Variants in TRPC4 observed in about 807,000 individuals in gnomAD.
The protein encoded by TRPC4 is short transient receptor potential channel 4.
Under a neutral mutation model 99.4 loss-of-function variants are expected in TRPC4, and 49 were observed. The ratio of observed to expected loss-of-function variants is 0.49; its 90% CI spans 0.39 to 0.63. The LOEUF (loss-of-function observed/expected upper bound fraction) is 0.63. TRPC4 is among the 20% of genes least tolerant of loss of function. The pLI, the probability that TRPC4 is intolerant of heterozygous loss-of-function variation, is 0.00. For missense variants in TRPC4, 898 were observed against 1,152.9 expected (o/e 0.78, Z 3.20); for synonymous variants, 454 against 425.9 (o/e 1.07, Z -0.81).
At chr13:37,671,631 A>T (rs1952846948) in intron 5 of TRPC4, among the ~76,000 whole-genome samples, 1 of 152,188 alleles carries the variant, frequency 6.6e-6, no homozygotes, top group Non-Finnish European at 1.5e-5. Flanking sequence ...AGGCACTTTA[A>T]ATACATCAAC....
At chr13:37,804,415 T>C (rs1373640596) in intron 1 of TRPC4, among the ~76,000 whole-genome samples, 4 of 152,082 alleles carry the variant, frequency 2.6e-5, no homozygotes, top group Non-Finnish European at 4.4e-5. Flanking sequence ...CTTCCTGCCC[T>C]GTTTTGATTT....
chr13:37,789,282 T>C (rs1957050729), intron 1 of TRPC4, among the ~76,000 whole-genome samples: 1 of 152,190 alleles, frequency 6.6e-6, no homozygotes, highest in Non-Finnish European at 1.5e-5. Context: ...TACTGCTCTT[T>C]ACAGTCTGAG....
chr13:37,725,120 G>A (rs970306882), intron 3 of TRPC4, among the ~76,000 whole-genome samples: 3 of 151,958 alleles, frequency 2.0e-5, no homozygotes, highest in Admixed American at 6.6e-5. Context: ...CAGTCGATTC[G>A]AAAGCAGATT....
intron 1 of TRPC4, among the ~76,000 whole-genome samples, chr13:37,820,847 C>T (rs1284809934): frequency 1.3e-5 from 2 of 152,026 alleles, no homozygotes; most frequent in Admixed American, 1.3e-4. Context: ...TGGGCAAAAG[C>T]TAGAAGCATT....
chr13:37,770,213 T>C (rs1168192470), intron 2 of TRPC4, among the ~76,000 whole-genome samples: 1 of 151,512 alleles, frequency 6.6e-6, no homozygotes, highest in East Asian at 1.9e-4. Flanking sequence ...ATTTCAGGCC[T>C]GACTCAAGGA....
At chr13:37,717,255 C>T (rs551525143) in intron 3 of TRPC4, among the ~76,000 whole-genome samples, 72 of 152,028 alleles carry the variant, frequency 4.7e-4, no homozygotes, top group South Asian at 1.7e-3. Flanking sequence ...TAATAGATGA[C>T]GATATCAGAA....
intron 1 of TRPC4, among the ~76,000 whole-genome samples, chr13:37,809,194 C>T (rs115855661): frequency 0.01 from 1,573 of 152,154 alleles, 25 homozygotes; most frequent in African/African-American, 0.036. Flanking sequence ...ATGTAGGATG[C>T]TCTTCCAATC....
chr13:37,854,605 A>C (rs1159837126), intron 1 of TRPC4, among the ~76,000 whole-genome samples: 2 of 152,106 alleles, frequency 1.3e-5, no homozygotes, highest in Admixed American at 1.3e-4. Flanking sequence ...TAAAAAGCAG[A>C]GGAATAAAGC....
chr13:37,813,357 A>T (rs1373586076), intron 1 of TRPC4, among the ~76,000 whole-genome samples: 1 of 151,668 alleles, frequency 6.6e-6, no homozygotes, highest in Non-Finnish European at 1.5e-5. Flanking sequence ...TAAAAATATT[A>T]AATCAAAGCA....
chr13:37,732,439 T>A (rs981673355), intron 3 of TRPC4, among the ~76,000 whole-genome samples: 7 of 152,010 alleles, frequency 4.6e-5, no homozygotes, highest in Non-Finnish European at 1.0e-4. Context: ...CCCCTCCTAT[T>A]CAACACAGTA....
At chr13:37,789,063 A>G (rs948384621) in intron 1 of TRPC4, among the ~76,000 whole-genome samples, 2 of 152,116 alleles carry the variant, frequency 1.3e-5, no homozygotes, top group East Asian at 3.9e-4. Context: ...CCAGTGCCAC[A>G]TACCTAATCT....
intron 1 of TRPC4, among the ~76,000 whole-genome samples, chr13:37,799,624 A>G (rs568995737): frequency 2.0e-5 from 3 of 152,206 alleles, no homozygotes; most frequent in African/African-American, 7.2e-5. Flanking sequence ...TAAATGGACC[A>G]TGGTGTTTGT....
At chr13:37,700,261 C>A (rs750190246) in intron 3 of TRPC4, among the ~76,000 whole-genome samples, 11 of 152,132 alleles carry the variant, frequency 7.2e-5, no homozygotes, top group Admixed American at 1.3e-4. Flanking sequence ...GAAGAAAGCA[C>A]CATTTGACTT....
chr13:37,860,210 C>A (rs980294146), intron 1 of TRPC4, among the ~76,000 whole-genome samples: 1 of 151,330 alleles, frequency 6.6e-6, no homozygotes, highest in Non-Finnish European at 1.5e-5. Flanking sequence ...TGATTAACAA[C>A]ATCAGTAATA....
intron 6 of TRPC4, among the ~76,000 whole-genome samples, chr13:37,658,650 C>G (rs533471365): frequency 6.6e-6 from 1 of 152,170 alleles, no homozygotes; most frequent in Non-Finnish European, 1.5e-5. Context: ...TGTCACAAAG[C>G]CTGTGCCCCT....
intron 2 of TRPC4, among the ~76,000 whole-genome samples, chr13:37,752,396 G>C (rs985319133): frequency 6.6e-6 from 1 of 151,932 alleles, no homozygotes; most frequent in Non-Finnish European, 1.5e-5. Flanking sequence ...CTGCACACAG[G>C]TGACTGCCAT....
intron 1 of TRPC4, among the ~76,000 whole-genome samples, chr13:37,863,580 A>G (rs1406595639): frequency 6.6e-6 from 1 of 151,596 alleles, no homozygotes; most frequent in Non-Finnish European, 1.5e-5. Flanking sequence ...TTAAAGTGTG[A>G]CCTCAGTGTG....
intron 5 of TRPC4, among the ~76,000 whole-genome samples, chr13:37,664,886 T>C (rs1819241103): frequency 6.6e-6 from 1 of 152,172 alleles, no homozygotes. Flanking sequence ...GACAATGTAT[T>C]ATAGGCTCCT....
intron 1 of TRPC4, among the ~76,000 whole-genome samples, chr13:37,821,428 A>G (rs542740569): frequency 6.6e-6 from 1 of 152,312 alleles, no homozygotes; most frequent in Admixed American, 6.5e-5. Context: ...CTATCAAATT[A>G]CCAATGACAT....
Sources: allele counts gnomAD v4.1 joint callset (sites outside exome capture counted in the v4.1 genomes callset), GRCh38; gene constraint gnomAD v4.1.1; transcripts MANE v1.5; gene names NCBI Gene and HGNC (gene_info 2026-07-23, HGNC 2026-07-21).